The following MARCHF1 variants were observed in gnomAD, a reference collection of about 807,000 sequenced individuals.
The protein encoded by MARCHF1 is E3 ubiquitin-protein ligase MARCHF1.
A neutral mutation model predicts 54.2 loss-of-function variants in MARCHF1; 40 were observed. The ratio of observed to expected loss-of-function variants is 0.74; its 90% CI spans 0.57 to 0.96. The LOEUF (loss-of-function observed/expected upper bound fraction) is 0.96. MARCHF1 is among the 40% of genes least tolerant of loss of function. The pLI, the probability that MARCHF1 is intolerant of heterozygous loss-of-function variation, is 0.00. For synonymous variants in MARCHF1, 236 were observed against 236.3 expected, an observed-to-expected ratio of 1.00 and a Z score of 0.01; for missense variants, 586 against 656.5, an observed-to-expected ratio of 0.89 and a Z score of 1.17.
At chr4:163,704,093 A>T (rs1372436132) in intron 4 of MARCHF1, among the ~76,000 whole-genome samples, 1 of 151,398 alleles carries the variant, frequency 6.6e-6, no homozygotes, top group African/African-American at 2.4e-5. Flanking sequence ...AATAAAGCTT[A>T]AAAAAGTTTT....
chr4:164,368,338 T>C (rs201109511), intron 1 of MARCHF1, among the ~76,000 whole-genome samples: 1 of 121,290 alleles, frequency 8.2e-6, no homozygotes, highest in African/African-American at 2.8e-5. Context: ...AAAACATAAA[T>C]ATAATTTAAA....
intron 1 of MARCHF1, among the ~76,000 whole-genome samples, chr4:164,137,446 C>T (rs1013211044): frequency 2.6e-5 from 4 of 152,088 alleles, no homozygotes; most frequent in Non-Finnish European, 5.9e-5. Flanking sequence ...ATATTTCATG[C>T]AACATCAACA....
intron 4 of MARCHF1, among the ~76,000 whole-genome samples, chr4:163,733,221 ACACGTG>A (rs1183952596): frequency 9.0e-4 from 19 of 21,004 alleles, no homozygotes; most frequent in Non-Finnish European, 1.4e-3. Context: ...ATATATATAT[ACACGTG>A]TATATATATA....
intron 4 of MARCHF1, among the ~76,000 whole-genome samples, chr4:163,792,678 T>C (rs1319538486): frequency 1.3e-5 from 2 of 152,220 alleles, no homozygotes; most frequent in Non-Finnish European, 2.9e-5. Flanking sequence ...CAGTCAATCC[T>C]GATTTAGATG....
intron 3 of MARCHF1, among the ~76,000 whole-genome samples, chr4:163,921,271 T>C (rs1751424364): frequency 2.1e-5 from 3 of 142,100 alleles, no homozygotes; most frequent in Admixed American, 1.4e-4. Flanking sequence ...GAAACTTCCA[T>C]TAATTTGGAG....
At chr4:164,133,841 A>G (rs1344940707) in intron 1 of MARCHF1, among the ~76,000 whole-genome samples, 1 of 152,224 alleles carries the variant, frequency 6.6e-6, no homozygotes, top group Non-Finnish European at 1.5e-5. Flanking sequence ...CAAAAAAGAC[A>G]CCAAGAGTAG....
At chr4:163,777,182 A>G (rs960551488) in intron 4 of MARCHF1, among the ~76,000 whole-genome samples, 1 of 152,150 alleles carries the variant, frequency 6.6e-6, no homozygotes, top group Non-Finnish European at 1.5e-5. Flanking sequence ...GCATGATGAT[A>G]AGGTTATGCC....
intron 2 of MARCHF1, among the ~76,000 whole-genome samples, chr4:164,006,902 A>G (rs1753299636): frequency 6.7e-6 from 1 of 150,304 alleles, no homozygotes. Context: ...AATGAGCGAT[A>G]AAACCTTTCA....
intron 3 of MARCHF1, among the ~76,000 whole-genome samples, chr4:163,901,233 G>T (rs905198826): frequency 2.6e-5 from 4 of 152,136 alleles, no homozygotes; most frequent in African/African-American, 9.7e-5. Flanking sequence ...GTCAACAGAT[G>T]ATTATAATAT....
At chr4:163,846,449 C>A (rs1436759792) in intron 4 of MARCHF1, among the ~76,000 whole-genome samples, 2 of 152,046 alleles carry the variant, frequency 1.3e-5, no homozygotes. Flanking sequence ...TTTCCTTTAA[C>A]CTTGTAATAG....
intron 5 of MARCHF1, among the ~76,000 whole-genome samples, chr4:163,648,349 T>A (rs1742834725): frequency 6.6e-6 from 1 of 151,906 alleles, no homozygotes; most frequent in South Asian, 2.1e-4. Context: ...GAGACTAATT[T>A]TGGACATGTA....
intron 4 of MARCHF1, among the ~76,000 whole-genome samples, chr4:163,837,391 T>C (rs115002577): frequency 6.6e-6 from 1 of 152,258 alleles, no homozygotes; most frequent in African/African-American, 2.4e-5. Flanking sequence ...AAAAGGCAAA[T>C]ATTTTCAGTG....
chr4:163,912,065 G>GTTTTT (rs70948676), intron 3 of MARCHF1, among the ~76,000 whole-genome samples: 4 of 149,248 alleles, frequency 2.7e-5, no homozygotes, highest in African/African-American at 9.9e-5. Context: ...GGAATGCAGG[G>GTTTTT]TTTTTTTTTT....
At chr4:163,611,458 G>GA (rs1394827513) in intron 7 of MARCHF1, among the ~76,000 whole-genome samples, 1 of 152,048 alleles carries the variant, frequency 6.6e-6, no homozygotes, top group South Asian at 2.1e-4. Context: ...ATTGCGCAGT[G>GA]AAAATCTTCA....
At position 164,085,131 on chromosome 4, in the gene MARCHF1, A is replaced by G. The variant is rs1231152113; in HGVS notation, c.-248+26457T>C. ...ATTTACATAATCTAAGTTGACATAT[A>G]TCCCAAAGTACAGGATTGGTTTTCA... On this transcript the variant is annotated intron_variant, in intron 2 of 9. Coordinates refer to ENST00000514618, the MANE Select transcript of MARCHF1 (RefSeq NM_001394959.1). Among the ~76,000 whole-genome samples, 6 of 151,926 alleles carry G rather than the reference A, an allele frequency of 3.9e-5. No individual in the cohort carries two copies. The East Asian group carries it at 1.2e-3, about 29-fold the overall frequency.
At chr4:164,073,254 C>T (rs1180941030) in intron 2 of MARCHF1, among the ~76,000 whole-genome samples, 2 of 152,168 alleles carry the variant, frequency 1.3e-5, no homozygotes, top group Non-Finnish European at 2.9e-5. Flanking sequence ...CCAAAATCCC[C>T]ATCAGTGATA....
intron 2 of MARCHF1, among the ~76,000 whole-genome samples, chr4:164,019,316 G>A (rs565228164): frequency 1.3e-5 from 2 of 152,120 alleles, no homozygotes; most frequent in Non-Finnish European, 2.9e-5. Flanking sequence ...TATTCACTAA[G>A]TGTCTCGCTA....
At chr4:164,269,851 T>A (rs113314386) in intron 1 of MARCHF1, among the ~76,000 whole-genome samples, 1 of 152,164 alleles carries the variant, frequency 6.6e-6, no homozygotes, top group Non-Finnish European at 1.5e-5. Flanking sequence ...CTTCACTCCA[T>A]TTAAGCATGT....
At chr4:163,776,784 G>A (rs1747317013) in intron 4 of MARCHF1, among the ~76,000 whole-genome samples, 1 of 152,106 alleles carries the variant, frequency 6.6e-6, no homozygotes, top group African/African-American at 2.4e-5. Flanking sequence ...TATCTTGTAA[G>A]TATTATCACT....
Sources: allele counts gnomAD v4.1 joint callset (sites outside exome capture counted in the v4.1 genomes callset), GRCh38; gene constraint gnomAD v4.1.1; transcripts MANE v1.5; gene names NCBI Gene and HGNC (gene_info 2026-07-23, HGNC 2026-07-21).